The following KLHL29 variants were observed in gnomAD, a reference collection of about 807,000 sequenced individuals.
KLHL29 encodes the protein kelch-like protein 29.
KLHL29 carries 21 observed loss-of-function variants against 80.4 expected under a neutral mutation model. The observed-to-expected ratio is 0.26, with a 90% CI of 0.19 to 0.38. The LOEUF is 0.38. KLHL29 is among the 10% of genes least tolerant of loss of function. KLHL29 has a pLI of 1.00. For missense variants in KLHL29, 867 were observed against 1,223.9 expected (o/e 0.71, Z 4.35); for synonymous variants, 511 against 526.8 (o/e 0.97, Z 0.41).
At chr2:23,628,554 A>C (rs941411733) in intron 3 of KLHL29, among the ~76,000 whole-genome samples, 2 of 152,194 alleles carry the variant, frequency 1.3e-5, no homozygotes, top group Non-Finnish European at 2.9e-5. Context: ...TGGGAGGCCA[A>C]GGTAGGAGGA....
rs1248281287 is a variant in KLHL29 at position 23,619,255 on chromosome 2, A to G, written c.286-19884A>G. On this transcript the variant is annotated intron_variant, in intron 3 of 13. Transcript: ENST00000486442. ...CTGCAGCAGGTGAGGCTCTGAGCTA[A>G]ATATGTCACACCTGGGGTCTTCTGC... is the stretch of plus-strand genomic sequence containing the variant. 5.3e-5 allele frequency among the ~76,000 whole-genome samples: 8 copies of G among 152,196 alleles called. No individual in the cohort carries two copies. In the East Asian group the frequency reaches 1.3e-3, roughly 26 times the overall value.
intron 3 of KLHL29, among the ~76,000 whole-genome samples, chr2:23,633,129 G>A (rs1669513088): frequency 6.6e-6 from 1 of 152,194 alleles, no homozygotes; most frequent in African/African-American, 2.4e-5. Context: ...GGGTGTTGTG[G>A]GGAGCCCAGA....
chr2:23,390,874 G>A (rs1167703449), intron 1 of KLHL29, among the ~76,000 whole-genome samples: 2 of 151,906 alleles, frequency 1.3e-5, no homozygotes, highest in African/African-American at 2.4e-5. Flanking sequence ...GGCTGGTCTC[G>A]AACTCCTGAC....
At chr2:23,670,996 C>A (rs1670726883) in intron 5 of KLHL29, among the ~76,000 whole-genome samples, 1 of 76,718 alleles carries the variant, frequency 1.3e-5, no homozygotes, top group African/African-American at 5.3e-5. Flanking sequence ...CTCCCTCCCT[C>A]CCTCCCCCCC....
At chr2:23,386,563 G>A (rs1207951520) in intron 1 of KLHL29, among the ~76,000 whole-genome samples, 2 of 152,158 alleles carry the variant, frequency 1.3e-5, no homozygotes, top group African/African-American at 4.8e-5. Flanking sequence ...TGATGTGTGG[G>A]ACAGGGTGGA....
chr2:23,591,005 C>A (rs1339573280), intron 3 of KLHL29, among the ~76,000 whole-genome samples: 2 of 152,136 alleles, frequency 1.3e-5, no homozygotes, highest in Non-Finnish European at 2.9e-5. Context: ...GGCCCAACGA[C>A]CCCCCTGAGA....
chr2:23,405,250 T>C (rs1292834652), intron 1 of KLHL29, among the ~76,000 whole-genome samples: 1 of 152,208 alleles, frequency 6.6e-6, no homozygotes, highest in Non-Finnish European at 1.5e-5. Flanking sequence ...CAACTCCATT[T>C]TTTCTAAAAA....
At chr2:23,428,301 G>A (rs564850443) in intron 1 of KLHL29, among the ~76,000 whole-genome samples, 2 of 152,342 alleles carry the variant, frequency 1.3e-5, no homozygotes, top group African/African-American at 4.8e-5. Context: ...CCCCCTGCAT[G>A]TGAGGCTTGG....
rs1668945089 is a variant in KLHL29, at chr2:23,614,261, G to GC, written c.286-24875dup. ...CCTAAAATGTATAAAACCAACCTGTGCCCTGACCACCCTGGACACATGTCA... is the reference window on the plus strand; with the variant it reads ...CCTAAAATGTATAAAACCAACCTGTGCCCCTGACCACCCTGGACACATGTCA... On this transcript the variant is annotated intron_variant, in intron 3 of 13. Coordinates refer to ENST00000486442, the MANE Select transcript of KLHL29 (RefSeq NM_052920.2). Among the ~76,000 whole-genome samples, 3 of 152,072 alleles carry GC rather than the reference G, an allele frequency of 2.0e-5. No individual in the cohort carries two copies. The South Asian group carries it at 6.2e-4, about 32-fold the overall frequency.
chr2:23,396,420 T>G (rs537222875), intron 1 of KLHL29, among the ~76,000 whole-genome samples: 20 of 152,330 alleles, frequency 1.3e-4, no homozygotes, highest in African/African-American at 4.6e-4. Flanking sequence ...TTAGCTTATT[T>G]GTTTTGGGTA....
chr2:23,488,507 G>GC (rs1664995238), intron 2 of KLHL29, among the ~76,000 whole-genome samples: 1 of 152,254 alleles, frequency 6.6e-6, no homozygotes, highest in Non-Finnish European at 1.5e-5. Context: ...CCGTGACCCA[G>GC]CTCCTGTGTC....
chr2:23,452,223 T>G (rs1663902369), intron 1 of KLHL29, among the ~76,000 whole-genome samples: 1 of 151,388 alleles, frequency 6.6e-6, no homozygotes, highest in Non-Finnish European at 1.5e-5. Flanking sequence ...GGTCTCACTG[T>G]GTTGTCCAGG....
At chr2:23,441,436 A>G (rs1177819170) in intron 1 of KLHL29, among the ~76,000 whole-genome samples, 1 of 152,096 alleles carries the variant, frequency 6.6e-6, no homozygotes, top group African/African-American at 2.4e-5. Context: ...ATATGTAACT[A>G]ACCTGCACAT....
intron 2 of KLHL29, among the ~76,000 whole-genome samples, chr2:23,560,078 A>G (rs1312345802): frequency 1.3e-5 from 2 of 152,188 alleles, no homozygotes; most frequent in Non-Finnish European, 2.9e-5. Flanking sequence ...CATGACTTCA[A>G]TGAGAACAGT....
intron 1 of KLHL29, among the ~76,000 whole-genome samples, chr2:23,463,536 C>T (rs542533669): frequency 4.2e-4 from 64 of 152,198 alleles, no homozygotes. Flanking sequence ...TTATATTGCA[C>T]GTATAAGCAT....
At chr2:23,621,491 T>G (rs1669180715) in intron 3 of KLHL29, among the ~76,000 whole-genome samples, 12 of 130,964 alleles carry the variant, frequency 9.2e-5, no homozygotes, top group African/African-American at 1.8e-4. Flanking sequence ...TGAGGAGAGG[T>G]AAGGGAGGAG....
chr2:23,594,096 G>A (rs1481511126), intron 3 of KLHL29, among the ~76,000 whole-genome samples: 1 of 152,192 alleles, frequency 6.6e-6, no homozygotes, highest in Non-Finnish European at 1.5e-5. Flanking sequence ...GGCAGCCCTT[G>A]GAGGAGGGGA....
In KLHL29 at chr2:23,421,969, T is replaced by C. The variant is rs558517118; in HGVS notation, c.-154+36189T>C. On this transcript the variant is annotated intron_variant, in intron 1 of 13. Coordinates refer to ENST00000486442, the MANE Select transcript of KLHL29 (RefSeq NM_052920.2). ...CCTTTGTGTGTCTGTGTGTGTCATA[T>C]GTTGTGTGTGTGTTCATGTGTTTGT... Among the ~76,000 whole-genome samples the C allele has an allele frequency of 2.2e-5, 3 of 139,424 alleles. No homozygotes were observed. In the South Asian group the frequency reaches 6.8e-4, roughly 32 times the overall value. 91.5% of individuals were successfully genotyped at this position (139,424 alleles called of 152,430 possible).
chr2:23,679,724 A>G (rs1029570737), intron 5 of KLHL29, among the ~76,000 whole-genome samples: 1 of 152,230 alleles, frequency 6.6e-6, no homozygotes, highest in Non-Finnish European at 1.5e-5. Flanking sequence ...AACTCCTAGT[A>G]TCGATAAAGA....
Sources: gnomAD v4.1 joint callset for allele counts (sites outside exome capture counted in the v4.1 genomes callset) on GRCh38, gnomAD v4.1.1 for gene constraint, MANE v1.5 for transcripts, NCBI Gene and HGNC (gene_info 2026-07-23, HGNC 2026-07-21) for gene names.